DEPDC4: variants seen among roughly 807,000 people sequenced by gnomAD.
DEPDC4 encodes DEP domain-containing protein 4.
A neutral mutation model predicts 52.0 loss-of-function variants in DEPDC4; 52 were observed. The ratio of observed to expected loss-of-function variants is 1.00; its 90% confidence interval spans 0.80 to 1.26. The LOEUF is 1.26. Among genes scored for constraint, DEPDC4 ranks in the 50% most tolerant of loss-of-function variants. DEPDC4 has a pLI of 0.00. For synonymous variants in DEPDC4, 201 were observed against 196.8 expected (o/e 1.02, Z -0.18); for missense variants, 530 against 546.9 (o/e 0.97, Z 0.31).
chr12:100,237,725 A>G (rs2096143780), downstream of DEPDC4: 1 of 152,122 alleles, frequency 6.6e-6, no homozygotes, highest in Admixed American at 6.6e-5. Context: ...ATTTTTTTTA[A>G]TTTATTTCAT....
Position 100,253,703 on chromosome 12 carries a change from C to T in DEPDC4, c.891G>A (p.Trp297Ter). 1 of 1,288,224 alleles carries T rather than the reference C, an allele frequency of 7.8e-7. No individual in the cohort carries two copies. The highest frequency in any genetic ancestry group is 1.0e-6 in the Non-Finnish European group (1 of 988,142). 79.8% of individuals were successfully genotyped at this position (1,288,224 alleles called of 1,614,324 possible). A position where few individuals can be genotyped will look rare whatever the true frequency, so the allele number is the denominator to read the frequency against. Residue 297 changes from tryptophan (W) to a stop codon, truncating the protein, a stop_gained, in exon 5 of 10, where the codon TGG becomes TGA. Transcript: ENST00000550587. LOFTEE classifies it high-confidence loss of function. ...PSLCLPEIDN[W>*]LNAAIECLEY... ...CCAAGCATTCAATTGCTGCATTAAG[C>T]CAGTTATCGATTCTAGAGGGAAAAT...
At chr12:100,268,437 A>G (rs1037364194), upstream of DEPDC4, among the ~76,000 whole-genome samples, 11 of 152,196 alleles carry the variant, frequency 7.2e-5, no homozygotes, top group Admixed American at 6.5e-4. Context: ...CTTTAGCACA[A>G]ATATTTTTAA....
At chr12:100,252,971 C>G (rs2096214773) in intron 5 of DEPDC4, among the ~76,000 whole-genome samples, 1 of 152,256 alleles carries the variant, frequency 6.6e-6, no homozygotes, top group Non-Finnish European at 1.5e-5. Context: ...GGCTGGTGCG[C>G]AGTGGCGCGA....
downstream of DEPDC4, among the ~76,000 whole-genome samples, chr12:100,235,065 G>GTGTA (rs1555309081): frequency 0.041 from 6,098 of 149,670 alleles, 192 homozygotes; most frequent in Non-Finnish European, 0.059. Flanking sequence ...GTATGTGTGT[G>GTGTA]TATATATATA....
the DEPDC4 span, among the ~76,000 whole-genome samples, chr12:100,279,054 G>A: frequency 6.6e-6 from 1 of 152,182 alleles, no homozygotes; most frequent in Non-Finnish European, 1.5e-5. Flanking sequence ...GTTTCTTTGT[G>A]TTTATCCTGT....
chr12:100,278,047 C>T, the DEPDC4 span, among the ~76,000 whole-genome samples: 6 of 152,040 alleles, frequency 3.9e-5, no homozygotes, highest in Non-Finnish European at 8.8e-5. Context: ...ACAGTTTCTT[C>T]TGCATATATT....
At chr12:100,260,397 A>T (rs2096249525) in intron 3 of DEPDC4, among the ~76,000 whole-genome samples, 1 of 151,774 alleles carries the variant, frequency 6.6e-6, no homozygotes, top group African/African-American at 2.4e-5. Context: ...CTGGGATTAC[A>T]GGCGTGAGCC....
At chr12:100,243,309 T>C (rs1188814713) in intron 8 of DEPDC4, among the ~76,000 whole-genome samples, 1 of 152,196 alleles carries the variant, frequency 6.6e-6, no homozygotes, top group African/African-American at 2.4e-5. Context: ...CTTTATGTGG[T>C]GCTCAGAATT....
intron 1 of DEPDC4, among the ~76,000 whole-genome samples, chr12:100,266,178 C>G (rs2096272086): frequency 6.8e-6 from 1 of 148,112 alleles, no homozygotes; most frequent in Non-Finnish European, 1.5e-5. Context: ...TGGGTAGAAT[C>G]CAAGAACTTA....
intron 8 of DEPDC4, among the ~76,000 whole-genome samples, chr12:100,244,964 C>A (rs1313023035): frequency 6.6e-6 from 1 of 151,524 alleles, no homozygotes; most frequent in Non-Finnish European, 1.5e-5. Context: ...CTCTGCCTCC[C>A]GGGTTCAAGC....
chr12:100,255,062 T>C (rs2096226690), intron 4 of DEPDC4, among the ~76,000 whole-genome samples: 1 of 152,210 alleles, frequency 6.6e-6, no homozygotes, highest in Non-Finnish European at 1.5e-5. Flanking sequence ...GAACAGTACA[T>C]CTTGCCTAAT....
intron 9 of DEPDC4, among the ~76,000 whole-genome samples, chr12:100,232,352 C>T (rs575556293): frequency 5.2e-4 from 79 of 151,212 alleles, no homozygotes; most frequent in Middle Eastern, 3.4e-3. Context: ...GCCACGTTCG[C>T]GCCACTGCAC....
At chr12:100,252,785 G>A (rs2096213723) in intron 5 of DEPDC4, among the ~76,000 whole-genome samples, 2 of 152,064 alleles carry the variant, frequency 1.3e-5, no homozygotes, top group Admixed American at 1.3e-4. Flanking sequence ...GAAATTATAT[G>A]GCCACTTACA....
At chr12:100,243,257 A>T (rs2096167784) in intron 8 of DEPDC4, among the ~76,000 whole-genome samples, 1 of 152,166 alleles carries the variant, frequency 6.6e-6, no homozygotes, top group African/African-American at 2.4e-5. Flanking sequence ...TGTTGAAAAA[A>T]AATACCGTCT....
Position 100,256,188 on chromosome 12 carries a change from A to G in DEPDC4, c.739T>C (p.Leu247=), listed in dbSNP as rs1299522224. The change falls in exon 4 of 10, where the codon TTG becomes CTG. Residue 247 remains leucine, a synonymous_variant. Coordinates refer to ENST00000550587, the MANE Select transcript of DEPDC4 (RefSeq NM_001364818.2). ...TTGTCCAAGAATGGAAGGTGAATCA[A>G]TTGAAGAAGACATAATAATGTTTGT... The part of the protein sequence containing the change: ...KEQTLLCLLQ[L]IHLPFLDNIL... The G allele has an allele frequency of 1.9e-6, 3 of 1,612,918 alleles. No homozygotes were observed. Among genetic ancestry groups the G allele is most frequent in the South Asian group, 1.1e-5 (1 of 91,036 alleles).
chr12:100,281,019 GTTTTTTTTTT>G, the DEPDC4 span, among the ~76,000 whole-genome samples: 1,564 of 50,444 alleles, frequency 0.031, 26 homozygotes, highest in African/African-American at 0.097. Context: ...TACCATCAGT[GTTTTTTTTTT>G]TTTTTTTTTT....
intron 8 of DEPDC4, among the ~76,000 whole-genome samples, chr12:100,246,094 G>A (rs919083569): frequency 1.3e-5 from 2 of 151,006 alleles, no homozygotes; most frequent in Admixed American, 6.6e-5. Flanking sequence ...CAAGCAGCTA[G>A]GACCACAGGC....
chr12:100,235,470 C>T (rs539460217), downstream of DEPDC4, among the ~76,000 whole-genome samples: 1 of 151,290 alleles, frequency 6.6e-6, no homozygotes, highest in East Asian at 1.9e-4. Flanking sequence ...GATTTTGGGG[C>T]ACCCATCCCC....
chr12:100,278,851 A>G, the DEPDC4 span, among the ~76,000 whole-genome samples: 1 of 152,014 alleles, frequency 6.6e-6, no homozygotes, highest in Non-Finnish European at 1.5e-5. Flanking sequence ...GATGGTCTCC[A>G]TCTTTTGACC....
Sources: allele counts gnomAD v4.1 joint callset (sites outside exome capture counted in the v4.1 genomes callset), GRCh38; gene constraint gnomAD v4.1.1; transcripts MANE v1.5; gene names NCBI Gene and HGNC (gene_info 2026-07-23, HGNC 2026-07-21).